GRIK2: variants seen among roughly 807,000 people sequenced by gnomAD.
GRIK2 encodes glutamate ionotropic receptor kainate type subunit 2.
GRIK2 carries 32 observed loss-of-function variants against 100.3 expected under a neutral mutation model. The observed-to-expected ratio is 0.32, with a 90% CI of 0.24 to 0.43. The LOEUF is 0.43. Ranked by LOEUF, GRIK2 falls within the 20% of genes least tolerant of loss-of-function variation. GRIK2 has a pLI of 1.00. For synonymous variants in GRIK2, 417 were observed against 389.4 expected (o/e 1.07, Z -0.83); for missense variants, 843 against 1,114.9 (o/e 0.76, Z 3.47).
chr6:101,683,429 C>T (rs533796681), intron 6 of GRIK2, among the ~76,000 whole-genome samples: 1 of 152,278 alleles, frequency 6.6e-6, no homozygotes, highest in South Asian at 2.1e-4. Context: ...ACATACCCAT[C>T]ACACAATTTT....
chr6:101,583,207 CAA>C (rs1253041694), intron 2 of GRIK2, among the ~76,000 whole-genome samples: 1 of 151,968 alleles, frequency 6.6e-6, no homozygotes, highest in East Asian at 1.9e-4. Flanking sequence ...ATAATACAGC[CAA>C]TAAAGGGGAG....
At chr6:101,714,369 T>C (rs941331141) in intron 7 of GRIK2, among the ~76,000 whole-genome samples, 11 of 151,782 alleles carry the variant, frequency 7.2e-5, no homozygotes, top group African/African-American at 2.4e-4. Flanking sequence ...TGAGTATGTT[T>C]TTAGATTCCT....
chr6:101,805,183 T>A (rs893182080), intron 9 of GRIK2, among the ~76,000 whole-genome samples: 2 of 151,872 alleles, frequency 1.3e-5, no homozygotes, highest in Admixed American at 1.3e-4. Flanking sequence ...CCTACCCTGA[T>A]GGAATTCACA....
At chr6:101,628,360 C>T (rs1780557934) in intron 4 of GRIK2, among the ~76,000 whole-genome samples, 1 of 151,558 alleles carries the variant, frequency 6.6e-6, no homozygotes, top group Non-Finnish European at 1.5e-5. Context: ...ATTTTGTTTT[C>T]TTATTTAAAA....
intron 4 of GRIK2, among the ~76,000 whole-genome samples, chr6:101,644,747 A>G (rs1237645656): frequency 6.6e-6 from 1 of 151,826 alleles, no homozygotes; most frequent in Non-Finnish European, 1.5e-5. Context: ...TAAGTTTTGT[A>G]GTTATTGGTG....
At chr6:101,926,239 C>T (rs1376790587) in intron 13 of GRIK2, among the ~76,000 whole-genome samples, 1 of 141,398 alleles carries the variant, frequency 7.1e-6, no homozygotes, top group African/African-American at 2.6e-5. Context: ...TTACTCTACC[C>T]TTAGAAGACA....
At chr6:101,948,005 C>T (rs2128477945) in intron 14 of GRIK2, among the ~76,000 whole-genome samples, 1 of 152,148 alleles carries the variant, frequency 6.6e-6, no homozygotes, top group African/African-American at 2.4e-5. Flanking sequence ...ATGTAGAAAC[C>T]TTGGAATATT....
chr6:101,690,830 C>T (rs948030511), intron 7 of GRIK2, among the ~76,000 whole-genome samples: 2 of 152,078 alleles, frequency 1.3e-5, no homozygotes, highest in East Asian at 1.9e-4. Context: ...TGGCATATTC[C>T]TACTCATACT....
At chr6:101,866,754 C>A (rs1196866495) in intron 11 of GRIK2, among the ~76,000 whole-genome samples, 1 of 151,958 alleles carries the variant, frequency 6.6e-6, no homozygotes, top group African/African-American at 2.4e-5. Flanking sequence ...TTCTTTTTCT[C>A]CATATTTATA....
chr6:101,866,169 G>T (rs549919721), intron 11 of GRIK2, among the ~76,000 whole-genome samples: 4 of 152,138 alleles, frequency 2.6e-5, no homozygotes, highest in Admixed American at 6.5e-5. Context: ...CACCATAATT[G>T]TCTTGATTTA....
chr6:101,537,649 T>C (rs1775780643), intron 2 of GRIK2, among the ~76,000 whole-genome samples: 1 of 151,844 alleles, frequency 6.6e-6, no homozygotes, highest in South Asian at 2.1e-4. Context: ...CAAATTGTCC[T>C]ATGAACTTAT....
At chr6:101,630,179 C>T (rs1268745207) in intron 4 of GRIK2, among the ~76,000 whole-genome samples, 1 of 152,010 alleles carries the variant, frequency 6.6e-6, no homozygotes, top group East Asian at 1.9e-4. Context: ...TGAACATATG[C>T]ATGCATGTGT....
chr6:101,998,207 A>G (rs1794749522), intron 14 of GRIK2, among the ~76,000 whole-genome samples: 1 of 152,140 alleles, frequency 6.6e-6, no homozygotes, highest in South Asian at 2.1e-4. Context: ...CAAATTGTAT[A>G]GTGAGCCACA....
At chr6:101,476,618 C>G (rs1181320558) in intron 2 of GRIK2, among the ~76,000 whole-genome samples, 2 of 151,932 alleles carry the variant, frequency 1.3e-5, no homozygotes, top group African/African-American at 4.8e-5. Context: ...AAAAGCTTGG[C>G]ACGTAGAAAG....
chr6:101,616,534 C>T (rs563999627), intron 2 of GRIK2, among the ~76,000 whole-genome samples: 1 of 151,468 alleles, frequency 6.6e-6, no homozygotes, highest in Non-Finnish European at 1.5e-5. Flanking sequence ...GTATATCTAC[C>T]ATAGTTTCTG....
chr6:101,636,556 A>C (rs66594336), intron 4 of GRIK2, among the ~76,000 whole-genome samples: 37,455 of 152,058 alleles, frequency 0.25, 4,718 homozygotes, highest in East Asian at 0.31. Context: ...GTGAATATTT[A>C]CAAATATGTT....
intron 2 of GRIK2, among the ~76,000 whole-genome samples, chr6:101,491,641 G>C (rs1773119264): frequency 1.3e-5 from 2 of 151,822 alleles, no homozygotes; most frequent in African/African-American, 4.8e-5. Context: ...CATTATTGAA[G>C]CATTTGAATG....
At chr6:101,825,953 A>C (rs1782297192) in intron 10 of GRIK2, among the ~76,000 whole-genome samples, 1 of 152,088 alleles carries the variant, frequency 6.6e-6, no homozygotes, top group South Asian at 2.1e-4. Context: ...ATATCCACTT[A>C]GATATACAGT....
chr6:101,760,445 TTA>T (rs1276324224), intron 7 of GRIK2, among the ~76,000 whole-genome samples: 1 of 8,756 alleles, frequency 1.1e-4, no homozygotes, highest in Non-Finnish European at 1.6e-4. Context: ...TATATATTTA[TTA>T]TATATAATTA....
Sources: allele counts gnomAD v4.1 joint callset (sites outside exome capture counted in the v4.1 genomes callset), GRCh38; gene constraint gnomAD v4.1.1; transcripts MANE v1.5; gene names NCBI Gene and HGNC (gene_info 2026-07-23, HGNC 2026-07-21).